Variants in DIDO1 observed in about 807,000 individuals in gnomAD.
DIDO1 encodes the protein death-inducer obliterator 1.
In DIDO1, 16 loss-of-function variants were observed where a neutral mutation model predicts 99.4. That is an observed-to-expected ratio of 0.16 (90% CI 0.11 to 0.24). The LOEUF (loss-of-function observed/expected upper bound fraction) is 0.24. Ranked by LOEUF, DIDO1 falls within the 10% of genes least tolerant of loss-of-function variation. DIDO1 has a pLI of 1.00. For synonymous variants in DIDO1, 1,366 were observed against 1,239.1 expected (o/e 1.10, Z -2.15); for missense variants, 2,996 against 3,014.0 (o/e 0.99, Z 0.14).
chr20:62,892,550 C>T (rs1411468748), intron 13 of DIDO1, among the ~76,000 whole-genome samples: 2 of 152,204 alleles, frequency 1.3e-5, no homozygotes, highest in Non-Finnish European at 2.9e-5. Flanking sequence ...AGTGCCCCAG[C>T]GAAACCGATC....
At chr20:62,920,957 G>C (rs575523568) in intron 1 of DIDO1, among the ~76,000 whole-genome samples, 1 of 152,172 alleles carries the variant, frequency 6.6e-6, no homozygotes, top group Non-Finnish European at 1.5e-5. Flanking sequence ...GGAGTGGCAC[G>C]ATCTCAGCTC....
chr20:62,899,153 A>G (rs1461214665), intron 6 of DIDO1, among the ~76,000 whole-genome samples: 1 of 152,160 alleles, frequency 6.6e-6, no homozygotes, highest in African/African-American at 2.4e-5. Flanking sequence ...GAGGCGGCAG[A>G]CAGACACCTG....
At chr20:62,882,732 A>G (rs1251000972) in intron 15 of DIDO1, among the ~76,000 whole-genome samples, 1 of 151,130 alleles carries the variant, frequency 6.6e-6, no homozygotes, top group Non-Finnish European at 1.5e-5. Context: ...AAGGGAATTC[A>G]TCCCAATCGT....
At chr20:62,898,307 G>A (rs2064583070) in intron 6 of DIDO1, among the ~76,000 whole-genome samples, 1 of 152,226 alleles carries the variant, frequency 6.6e-6, no homozygotes, top group East Asian at 1.9e-4. Context: ...CACGTTGGCA[G>A]CGGGTGCCAG....
At position 62,911,637 on chromosome 20, in the gene DIDO1, T is replaced by C. The variant is rs1351032875; in HGVS notation, c.-2-23A>G. The C allele has an allele frequency of 8.5e-6, 13 of 1,520,488 alleles. No individual in the cohort carries two copies. Among genetic ancestry groups the C allele is most frequent in the Non-Finnish European group, 1.1e-5 (13 of 1,132,022 alleles). The allele number at this position is 1,520,488 out of a possible 1,614,324, so 94.2% of individuals were successfully genotyped here. On this transcript the variant is annotated intron_variant, in intron 2 of 15. Transcript: ENST00000395343. The surrounding 1 kb of genome is among the most constrained non-coding windows in gnomAD (Gnocchi z 7.0). ...TACCTAGCGGTAAAGTGTAAGCACATAGTGACCAACTGACCACAGAACAAA... is the reference window on the plus strand; with the variant it reads ...TACCTAGCGGTAAAGTGTAAGCACACAGTGACCAACTGACCACAGAACAAA...
rs1339213300 is a variant in DIDO1 at position 62,906,001 on chromosome 20, G to A, written c.1474C>T (p.Leu492Phe). The A allele has an allele frequency of 1.9e-6, 3 of 1,613,914 alleles. No homozygotes were observed. The highest frequency in any genetic ancestry group is 2.7e-5 in the African/African-American group (2 of 74,906). The change falls in exon 6 of 16, where the codon CTC (leucine) becomes TTC (phenylalanine). Residue 492 changes from leucine (L) to phenylalanine (F), a missense_variant. By Grantham distance (22) the Leu-to-Phe change is conservative. This residue lies in a region of DIDO1 where 898 missense variants were observed against 972.7 expected (regional missense o/e 0.92). Coordinates refer to ENST00000395343, the MANE Select transcript of DIDO1 (RefSeq NM_001193369.2). ...CTCTCACAAGCTGCTTCCTTCCCGA[G>A]TGCTTCACTCCGCGCAGGGACCACC... ...AVVVPARSEA[L>F]GKEAACESST... is the part of the protein sequence containing the mutation.
intron 15 of DIDO1, 192 bp downstream of exon 15, chr20:62,890,768 G>A: frequency 7.0e-7 from 1 of 1,437,202 alleles, no homozygotes; most frequent in Non-Finnish European, 9.1e-7. Flanking sequence ...TTTATGCTGT[G>A]AATCAGGGGT....
chr20:62,886,529 G>A (rs986773991), intron 15 of DIDO1, among the ~76,000 whole-genome samples: 4 of 152,158 alleles, frequency 2.6e-5, no homozygotes, highest in African/African-American at 7.2e-5. Context: ...CAGGTGTGTC[G>A]CAACAGGGAC....
chr20:62,896,334 G>T lies in DIDO1; in HGVS notation c.2113C>A (p.His705Asn). 2 of 1,614,024 alleles carry T rather than the reference G, an allele frequency of 1.2e-6. No individual in the cohort carries two copies. The highest frequency in any genetic ancestry group is 1.7e-6 in the Non-Finnish European group (2 of 1,179,992). Reference sequence around the variant, plus strand: ...AAGTTAAACATCTCCTTCTCAATATGGAGGGCAATTTTTCCTACTTCGTTT... The same window carrying T: ...AAGTTAAACATCTCCTTCTCAATATTGAGGGCAATTTTTCCTACTTCGTTT... ...TENEVGKIAL[H>N]IEKEMFNLFQ... The change falls in exon 8 of 16, where the codon CAT becomes AAT. Residue 705 changes from histidine (H) to asparagine (N), a missense_variant. Around this residue, in one of 5 missense-constraint regions of DIDO1, gnomAD observed 898 missense variants for 972.7 expected, o/e 0.92. Coordinates refer to ENST00000395343, the MANE Select transcript of DIDO1 (RefSeq NM_001193369.2). This position sits in a 1 kb window ranked among gnomAD's most constrained non-coding sequence, Gnocchi z 4.4.
In DIDO1 at chr20:62,896,413, G is replaced by C. The variant is rs747119018; in HGVS notation, c.2055-21C>G. ...TGACTCTGAACAGAATAAAAAAAAG[G>C]AACTACATAAGACACTTGTGTATAT... On this transcript the variant is annotated intron_variant, in intron 7 of 15. Coordinates refer to ENST00000395343, the MANE Select transcript of DIDO1 (RefSeq NM_001193369.2). The surrounding 1 kb of genome is among the most constrained non-coding windows in gnomAD (Gnocchi z 4.4). The C allele has an allele frequency of 2.5e-6, 4 of 1,605,350 alleles. No individual in the cohort carries two copies. The East Asian group carries it at 6.7e-5, about 27-fold the overall frequency.
At chr20:62,935,434 C>G (rs1415918215) in intron 1 of DIDO1, among the ~76,000 whole-genome samples, 1 of 152,162 alleles carries the variant, frequency 6.6e-6, no homozygotes, top group Non-Finnish European at 1.5e-5. Context: ...AGCAACCACA[C>G]GGACCGTGTG....
rs767855912 is a variant in DIDO1 at position 62,879,755 on chromosome 20, C to G, written c.6201G>C (p.Ser2067=). Residue 2067 remains serine (S), a synonymous_variant, in exon 16 of 16, where the codon TCG becomes TCC. Transcript: ENST00000395343. The surrounding 1 kb of genome is among the most constrained non-coding windows in gnomAD (Gnocchi z 6.3). The part of the protein sequence containing the change: ...QGPEADGQWA[S]ADFREGKGHE... ...GGCCTTTCCCCTCTCGGAAGTCGGCCGATGCCCACTGTCCGTCGGCCTCGG... is the reference window on the plus strand; with the variant it reads ...GGCCTTTCCCCTCTCGGAAGTCGGCGGATGCCCACTGTCCGTCGGCCTCGG... The G allele has an allele frequency of 6.2e-7, 1 of 1,611,722 alleles. No homozygotes were observed. Among genetic ancestry groups the G allele is most frequent in the South Asian group, 1.1e-5 (1 of 91,080 alleles).
intron 15 of DIDO1, among the ~76,000 whole-genome samples, chr20:62,884,540 T>G (rs1249722311): frequency 6.6e-6 from 1 of 152,206 alleles, no homozygotes; most frequent in Non-Finnish European, 1.5e-5. Flanking sequence ...GTGCTTCAGG[T>G]GATGTTAAAG....
At chr20:62,915,589 A>C (rs1476642336) in intron 1 of DIDO1, among the ~76,000 whole-genome samples, 1 of 152,198 alleles carries the variant, frequency 6.6e-6, no homozygotes, top group Non-Finnish European at 1.5e-5. Context: ...CCGGGGCTCA[A>C]GTGATCCTCC....
Position 62,909,934 on chromosome 20 carries a change from C to T in DIDO1, c.926G>A (p.Arg309Lys). The change falls in exon 4 of 16, where the codon AGG becomes AAG. Residue 309 changes from arginine (R) to lysine (K), a missense_variant. Physicochemically the swap from Arg to Lys is conservative, Grantham distance 26. This residue lies in a region of DIDO1 where 898 missense variants were observed against 972.7 expected (regional missense o/e 0.92). Coordinates refer to ENST00000395343, the MANE Select transcript of DIDO1 (RefSeq NM_001193369.2). ...ISEARGRLLE[R>K]NGEDYICPNC... ...TGGGCAGATATAGTCTTCCCCATTCCTTTCCAAAAGCCTCCCTCGAGCCTC... is the reference window on the plus strand; with the variant it reads ...TGGGCAGATATAGTCTTCCCCATTCTTTTCCAAAAGCCTCCCTCGAGCCTC... 2 of 1,614,058 alleles carry T rather than the reference C, an allele frequency of 1.2e-6. No homozygotes were observed. Among genetic ancestry groups the T allele is most frequent in the Non-Finnish European group, 1.7e-6 (2 of 1,180,034 alleles).
chr20:62,922,243 T>TAC (rs368867407), intron 1 of DIDO1, among the ~76,000 whole-genome samples: 111 of 114,378 alleles, frequency 9.7e-4, no homozygotes, highest in African/African-American at 2.5e-3. Flanking sequence ...TATATATATA[T>TAC]ACACACACAC....
Position 62,910,035 on chromosome 20 carries a change from T to C in DIDO1, c.840-15A>G. 6.3e-7 allele frequency: 1 copy of C among 1,597,464 alleles called. No homozygotes were observed. The highest frequency in any genetic ancestry group is 1.3e-5 in the African/African-American group (1 of 74,830). On this transcript the variant is annotated splice_polypyrimidine_tract_variant and intron_variant, in intron 3 of 15. Coordinates refer to ENST00000395343, the MANE Select transcript of DIDO1 (RefSeq NM_001193369.2). ...AAATCATAAACCTGAAATTATAAAA[T>C]AACGGTATTAGCAATGGGACGTGAG...
In DIDO1 at chr20:62,894,910, A is replaced by G; in HGVS notation, c.2336T>C (p.Met779Thr). The G allele has an allele frequency of 6.2e-7, 1 of 1,613,494 alleles. No homozygotes were observed. The highest frequency in any genetic ancestry group is 8.5e-7 in the Non-Finnish European group (1 of 1,179,822). Reference sequence around the variant, plus strand: ...ATTGTGCAGTTTAGTTCTGGACTCCATCACCTGAAATGAAAAAGACGAAAC... The same window carrying G: ...ATTGTGCAGTTTAGTTCTGGACTCCGTCACCTGAAATGAAAAAGACGAAAC... ...TWKERPARSV[M>T]ESRTKLHNES... Residue 779 changes from methionine to threonine, a missense_variant, in exon 10 of 16, where the codon ATG (methionine) becomes ACG (threonine). Transcript: ENST00000395343. The surrounding 1 kb of genome is among the most constrained non-coding windows in gnomAD (Gnocchi z 4.4).
chr20:62,903,400 G>A (rs1474430190), intron 6 of DIDO1, among the ~76,000 whole-genome samples: 1 of 152,190 alleles, frequency 6.6e-6, no homozygotes, highest in Non-Finnish European at 1.5e-5. Flanking sequence ...TGGTATGTGT[G>A]GTGAGGCAAG....
Sources: gnomAD v4.1 joint callset for allele counts (sites outside exome capture counted in the v4.1 genomes callset) on GRCh38, gnomAD v4.1.1 for gene constraint, gnomAD v4.1.1 regional missense constraint, Gnocchi (gnomAD v3.1) non-coding constraint, MANE v1.5 for transcripts, NCBI Gene and HGNC (gene_info 2026-07-23, HGNC 2026-07-21) for gene names.